RAPGEF1: variants seen among roughly 807,000 people sequenced by gnomAD.
RAPGEF1 encodes the protein Rap guanine nucleotide exchange factor 1.
RAPGEF1 carries 33 observed loss-of-function variants against 143.3 expected under a neutral mutation model. The observed-to-expected ratio is 0.23, with a 90% CI of 0.17 to 0.31. The LOEUF (loss-of-function observed/expected upper bound fraction) is 0.31, where lower values mean the gene tolerates loss of function less well. Ranked by LOEUF, RAPGEF1 falls within the 10% of genes least tolerant of loss-of-function variation. RAPGEF1 has a pLI of 1.00. For missense variants in RAPGEF1, 1,199 were observed against 1,645.4 expected (o/e 0.73, Z 4.69); for synonymous variants, 629 against 676.5 (o/e 0.93, Z 1.09).
chr9:131,650,925 G>C lies in RAPGEF1; in HGVS notation c.86C>G (p.Ser29Cys). ...KADSQRSHLSSFTMKLMDKFH... is the reference protein window; with the variant it reads ...KADSQRSHLSCFTMKLMDKFH... ...TTTGTCCATCAGCTTCATGGTGAAG[G>C]AAGAGAGATGAGAACGCTGAGAGTC... Residue 29 changes from serine to cysteine, a missense_variant, in exon 2 of 27, where the codon TCC becomes TGC. Ser to Cys is a moderately radical substitution (Grantham distance 112, BLOSUM62 -1). This residue lies in a region of RAPGEF1 where 613 missense variants were observed against 710.9 expected (regional missense o/e 0.86). Transcript: ENST00000683357. This position sits in a 1 kb window ranked among gnomAD's most constrained non-coding sequence, Gnocchi z 4.7. 2 of 1,613,916 alleles carry C rather than the reference G, an allele frequency of 1.2e-6. No individual in the cohort carries two copies. Among genetic ancestry groups the C allele is most frequent in the South Asian group, 2.2e-5 (2 of 91,082 alleles).
rs543032946 is a variant in RAPGEF1, at chr9:131,633,061, C to T, written c.652-2737G>A. ...TTACCCTACTCTGTGACAGTTGTTA[C>T]CCCATTCAGATGTCTATTCTTGAAG... On this transcript the variant is annotated intron_variant, in intron 5 of 26. Coordinates refer to ENST00000683357, the MANE Select transcript of RAPGEF1 (RefSeq NM_001377935.1). Among the ~76,000 whole-genome samples the T allele has an allele frequency of 3.3e-5, 5 of 152,326 alleles. No individual in the cohort carries two copies. In the South Asian group the frequency reaches 1.0e-3, roughly 32 times the overall value.
chr9:131,670,612 A>G (rs1831220348), intron 1 of RAPGEF1, among the ~76,000 whole-genome samples: 1 of 151,752 alleles, frequency 6.6e-6, no homozygotes, highest in Admixed American at 6.6e-5. Context: ...CACATCAAAG[A>G]CCTCCCGGCT....
intron 1 of RAPGEF1, chr9:131,710,003 C>T: frequency 6.3e-6 from 6 of 945,024 alleles, no homozygotes; most frequent in Non-Finnish European, 6.3e-6. Flanking sequence ...CTCATCAGCA[C>T]AACAGCGGCT....
At chr9:131,638,228 T>A (rs967366314) in intron 5 of RAPGEF1, among the ~76,000 whole-genome samples, 1 of 152,248 alleles carries the variant, frequency 6.6e-6, no homozygotes, top group Non-Finnish European at 1.5e-5. Flanking sequence ...CATTTCTTAC[T>A]CATCTCACTC....
chr9:131,606,899 ACAGGGAT>A (rs1318357063), intron 12 of RAPGEF1, among the ~76,000 whole-genome samples: 2 of 152,194 alleles, frequency 1.3e-5, no homozygotes, highest in Non-Finnish European at 2.9e-5. Context: ...TGCTGGGATT[ACAGGGAT>A]CAGCCACCAT....
intron 1 of RAPGEF1, among the ~76,000 whole-genome samples, chr9:131,657,177 C>T (rs1402912477): frequency 3.3e-5 from 5 of 152,176 alleles, no homozygotes; most frequent in Non-Finnish European, 5.9e-5. Flanking sequence ...GGGGAGGAAA[C>T]GACAGGTGCC....
Position 131,580,689 on chromosome 9 carries a change from T to C in RAPGEF1, c.3513-298A>G, listed in dbSNP as rs544131449. ...GAAGCTGTGGGCTGCTAAAGTAACA[T>C]TAACAAATGAGCAGTAAAAAAAAAA... is the stretch of plus-strand genomic sequence containing the variant. On this transcript the variant is annotated intron_variant, in intron 25 of 26. Coordinates refer to ENST00000683357, the MANE Select transcript of RAPGEF1 (RefSeq NM_001377935.1). 2.6e-5 allele frequency among the ~76,000 whole-genome samples: 4 copies of C among 151,896 alleles called. No homozygotes were observed. In the East Asian group the frequency reaches 7.7e-4, roughly 29 times the overall value.
intron 11 of RAPGEF1, among the ~76,000 whole-genome samples, chr9:131,620,538 C>T (rs781535305): frequency 3.9e-5 from 6 of 152,090 alleles, no homozygotes; most frequent in Admixed American, 1.3e-4. Context: ...GTCTGTGGGA[C>T]GGGCAGGGCA....
chr9:131,634,584 G>A (rs540643099), intron 5 of RAPGEF1, among the ~76,000 whole-genome samples: 5 of 151,642 alleles, frequency 3.3e-5, no homozygotes, highest in South Asian at 2.1e-4. Flanking sequence ...ATGGTTGTAC[G>A]CGCCTGTAAT....
chr9:131,604,027 A>T lies in RAPGEF1; in HGVS notation c.2346T>A (p.Gly782=). Residue 782 remains glycine (G), a synonymous_variant, in exon 14 of 27, where the codon GGT becomes GGA. Transcript: ENST00000683357. ...DSSENASEEA[G]EGEYVNLYSS... is the part of the protein sequence containing the mutation. ...AATACAGATTGACATATTCACCCTC[A>T]CCAGCTTCCTCACTGGCGTTTTCAC... is the stretch of plus-strand genomic sequence containing the variant. 1 of 1,338,626 alleles carries T rather than the reference A, an allele frequency of 7.5e-7. No homozygotes were observed. Among genetic ancestry groups the T allele is most frequent in the South Asian group, 1.2e-5 (1 of 84,106 alleles). The allele number at this position is 1,338,626 out of a possible 1,614,324, so 82.9% of individuals were successfully genotyped here.
intron 1 of RAPGEF1, among the ~76,000 whole-genome samples, chr9:131,672,114 T>G (rs1190199647): frequency 6.6e-6 from 1 of 152,076 alleles, no homozygotes; most frequent in Non-Finnish European, 1.5e-5. Context: ...GCCAAGACAC[T>G]GGTTAGCTTC....
At chr9:131,735,668 G>A (rs1315947373) in intron 1 of RAPGEF1, among the ~76,000 whole-genome samples, 1 of 152,346 alleles carries the variant, frequency 6.6e-6, no homozygotes, top group East Asian at 1.9e-4. Flanking sequence ...CCGAGGAGGG[G>A]ATGCAAACGC....
chr9:131,595,377 G>A (rs529237563), intron 17 of RAPGEF1, among the ~76,000 whole-genome samples: 1 of 152,330 alleles, frequency 6.6e-6, no homozygotes, highest in East Asian at 1.9e-4. Flanking sequence ...CCATAATTCA[G>A]AAATTCCCCG....
At chr9:131,727,258 A>G (rs1314978825) in intron 1 of RAPGEF1, among the ~76,000 whole-genome samples, 1 of 152,118 alleles carries the variant, frequency 6.6e-6, no homozygotes, top group Non-Finnish European at 1.5e-5. Flanking sequence ...TGATCTTTCC[A>G]AGACCCCGGG....
intron 1 of RAPGEF1, among the ~76,000 whole-genome samples, chr9:131,660,727 A>G (rs756330196): frequency 6.6e-6 from 1 of 152,210 alleles, no homozygotes; most frequent in Non-Finnish European, 1.5e-5. Context: ...TGCAGCCAGC[A>G]CTGCCTGCCC....
At chr9:131,735,418 C>T (rs1837351493) in intron 1 of RAPGEF1, among the ~76,000 whole-genome samples, 1 of 152,250 alleles carries the variant, frequency 6.6e-6, no homozygotes, top group Non-Finnish European at 1.5e-5. Flanking sequence ...TCCCTCCCCA[C>T]TGCAAGTCTG....
Position 131,587,809 on chromosome 9 carries a change from C to A in RAPGEF1, c.3160G>T (p.Ala1054Ser). 6.2e-7 allele frequency: 1 copy of A among 1,613,742 alleles called. No homozygotes were observed. The change falls in exon 22 of 27, where the codon GCA becomes TCA. Residue 1054 changes from alanine to serine, a missense_variant. Physicochemically the swap from Ala to Ser is moderately conservative, Grantham distance 99. Coordinates refer to ENST00000683357, the MANE Select transcript of RAPGEF1 (RefSeq NM_001377935.1). ...CTCTTCTCCTCATTCTGCTCTTTTG[C>A]CCAAAGCAAAACCTCAGGAATCTAC... ...KIEIPEVLLW[A>S]KEQNEEKSPN... is the part of the protein sequence containing the mutation.
chr9:131,668,304 C>T (rs1038873482), intron 1 of RAPGEF1, among the ~76,000 whole-genome samples: 3 of 152,118 alleles, frequency 2.0e-5, no homozygotes, highest in East Asian at 1.9e-4. Flanking sequence ...AAATCAGCAG[C>T]GGCTGTTTTT....
intron 4 of RAPGEF1, among the ~76,000 whole-genome samples, chr9:131,640,563 C>T (rs1203887057): frequency 1.3e-5 from 2 of 152,088 alleles, no homozygotes; most frequent in African/African-American, 2.4e-5. Context: ...TGGCTCAGTT[C>T]CACAATGGAG....
Sources: allele counts gnomAD v4.1 joint callset (sites outside exome capture counted in the v4.1 genomes callset), GRCh38; gene constraint gnomAD v4.1.1; regional missense constraint gnomAD v4.1.1; non-coding constraint Gnocchi (gnomAD v3.1); transcripts MANE v1.5; gene names NCBI Gene and HGNC (gene_info 2026-07-23, HGNC 2026-07-21).